Variants in DOK6 observed in about 807,000 individuals in gnomAD.
The protein encoded by DOK6 is docking protein 6.
In DOK6, 22 loss-of-function variants were observed where a neutral mutation model predicts 44.0. The observed-to-expected ratio is 0.50, with a 90% CI of 0.36 to 0.71. DOK6 has a LOEUF of 0.71. DOK6 is among the 30% of genes least tolerant of loss of function. The pLI is 0.00. For synonymous variants in DOK6, 166 were observed against 145.5 expected, an observed-to-expected ratio of 1.14 and a Z score of -1.01; for missense variants, 340 against 416.4, an observed-to-expected ratio of 0.82 and a Z score of 1.60.
chr18:69,731,446 C>T (rs1397759528), intron 5 of DOK6, among the ~76,000 whole-genome samples: 1 of 151,940 alleles, frequency 6.6e-6, no homozygotes, highest in African/African-American at 2.4e-5. Flanking sequence ...ATAATTGTAA[C>T]CTGAGAATAA....
chr18:69,517,834 A>T (rs1981574494), intron 1 of DOK6, among the ~76,000 whole-genome samples: 1 of 151,920 alleles, frequency 6.6e-6, no homozygotes, highest in Non-Finnish European at 1.5e-5. Flanking sequence ...CATTTATTAT[A>T]TGGAACTGGA....
At chr18:69,522,233 T>TAC (rs377611827) in intron 1 of DOK6, among the ~76,000 whole-genome samples, 22 of 150,762 alleles carry the variant, frequency 1.5e-4, no homozygotes, top group African/African-American at 4.6e-4. Flanking sequence ...CCCACACACA[T>TAC]ACACACACAC....
intron 5 of DOK6, among the ~76,000 whole-genome samples, chr18:69,711,348 A>G (rs1426023607): frequency 6.6e-6 from 1 of 152,252 alleles, no homozygotes; most frequent in Non-Finnish European, 1.5e-5. Context: ...GAGGTAACAT[A>G]TTCAAATAAA....
Position 69,848,695 on chromosome 18 carries a change from C to A in DOK6, c.*7312C>A, listed in dbSNP as rs1033742059. On this transcript the variant is annotated 3_prime_UTR_variant, in exon 8 of 8. Transcript: ENST00000382713. ...CTGAAGTCGTAGTTTTTAATCTTAA[C>A]CATCAATAAATAAACCTATTGTTAA... 1 of 152,136 alleles carries A rather than the reference C, an allele frequency of 6.6e-6. No individual in the cohort carries two copies. The highest frequency in any genetic ancestry group is 1.5e-5 in the Non-Finnish European group (1 of 68,026). The allele number at this position is 152,136 out of a possible 1,614,324, so 9.4% of individuals were successfully genotyped here. A position where few individuals can be genotyped will look rare whatever the true frequency, so the allele number is the denominator to read the frequency against.
intron 2 of DOK6, among the ~76,000 whole-genome samples, chr18:69,590,418 A>C (rs1412646623): frequency 6.6e-6 from 1 of 152,136 alleles, no homozygotes; most frequent in Non-Finnish European, 1.5e-5. Flanking sequence ...TTTGATAGAA[A>C]TATGCGAGAT....
chr18:69,638,907 A>G (rs1434168226), intron 3 of DOK6, among the ~76,000 whole-genome samples: 35 of 152,230 alleles, frequency 2.3e-4, no homozygotes, highest in Non-Finnish European at 5.9e-5. Context: ...AATTAAAAGT[A>G]ATCAATATTA....
chr18:69,841,526 A>C lies in DOK6; in HGVS notation c.*143A>C, dbSNP rs896964853. 1.7e-6 allele frequency: 2 copies of C among 1,144,980 alleles called. No homozygotes were observed. Among genetic ancestry groups the C allele is most frequent in the Non-Finnish European group, 2.4e-6 (2 of 850,444 alleles). 70.9% of individuals were successfully genotyped at this position (1,144,980 alleles called of 1,614,324 possible). On this transcript the variant is annotated 3_prime_UTR_variant, in exon 8 of 8. Transcript: ENST00000382713. ...GCCCCAGTCCCATTGGAAGGTTAAA[A>C]ACTGGAGTTCTGCTTCCTTGATTCA...
intron 7 of DOK6, among the ~76,000 whole-genome samples, chr18:69,775,500 C>T (rs958882951): frequency 3.3e-5 from 5 of 151,748 alleles, no homozygotes; most frequent in African/African-American, 1.2e-4. Context: ...TTTGATTTTA[C>T]TTTTTGGTCA....
chr18:69,614,617 T>C (rs1984241706), intron 3 of DOK6, among the ~76,000 whole-genome samples: 1 of 151,512 alleles, frequency 6.6e-6, no homozygotes, highest in African/African-American at 2.4e-5. Flanking sequence ...ATAGATGCTA[T>C]CACAAAACCT....
At chr18:69,543,651 C>G (rs1982326271) in intron 1 of DOK6, among the ~76,000 whole-genome samples, 1 of 151,280 alleles carries the variant, frequency 6.6e-6, no homozygotes, top group African/African-American at 2.4e-5. Flanking sequence ...ATTCTAAATC[C>G]AAGCCCTGAA....
chr18:69,647,001 T>C (rs1017403920), intron 3 of DOK6, among the ~76,000 whole-genome samples: 4 of 152,118 alleles, frequency 2.6e-5, no homozygotes, highest in Non-Finnish European at 2.9e-5. Context: ...AATCTATCTA[T>C]CTAATCTATC....
intron 2 of DOK6, among the ~76,000 whole-genome samples, chr18:69,582,974 T>C (rs955052110): frequency 2.0e-4 from 30 of 152,352 alleles, no homozygotes; most frequent in African/African-American, 7.0e-4. Flanking sequence ...TGATAGAAAC[T>C]AGATTGTTTG....
chr18:69,651,478 G>A (rs1013042793), intron 3 of DOK6, among the ~76,000 whole-genome samples: 9 of 134,684 alleles, frequency 6.7e-5, no homozygotes, highest in African/African-American at 1.4e-4. Flanking sequence ...TCAGCCCCCC[G>A]CTCCTTTTTT....
intron 3 of DOK6, among the ~76,000 whole-genome samples, chr18:69,649,910 A>C (rs914172468): frequency 2.6e-5 from 4 of 152,124 alleles, no homozygotes; most frequent in African/African-American, 9.7e-5. Flanking sequence ...AATTGCAATA[A>C]TCATGATTTT....
chr18:69,575,491 GT>G (rs1418179762), intron 2 of DOK6, among the ~76,000 whole-genome samples: 2 of 151,962 alleles, frequency 1.3e-5, no homozygotes, highest in Non-Finnish European at 2.9e-5. Flanking sequence ...ATGGAGTTTG[GT>G]ATCAGCCTTA....
At chr18:69,601,508 G>T (rs757169186) in intron 3 of DOK6, among the ~76,000 whole-genome samples, 1 of 152,082 alleles carries the variant, frequency 6.6e-6, no homozygotes, top group Non-Finnish European at 1.5e-5. Flanking sequence ...AATTTTGTTG[G>T]TCTATGCCCA....
chr18:69,677,841 C>T lies in DOK6; in HGVS notation c.397C>T (p.Arg133Trp), dbSNP rs911168670. Reference protein sequence around the residue: ...EPDLLAAGVQREQNERFNVYL... With the variant: ...EPDLLAAGVQWEQNERFNVYL... ...CGACCTTCTGGCCGCAGGAGTGCAG[C>T]GGGAACAGAATGGTAGGTGTGAGAT... The change falls in exon 4 of 8, where the codon CGG becomes TGG. Residue 133 changes from arginine (R) to tryptophan (W), a missense_variant. Transcript: ENST00000382713. 10 of 1,613,152 alleles carry T rather than the reference C, an allele frequency of 6.2e-6. No individual in the cohort carries two copies. Among genetic ancestry groups the T allele is most frequent in the Middle Eastern group, 1.6e-4 (1 of 6,070 alleles).
intron 7 of DOK6, among the ~76,000 whole-genome samples, chr18:69,764,762 T>C (rs185314348): frequency 9.5e-4 from 144 of 152,286 alleles, no homozygotes; most frequent in African/African-American, 3.3e-3. Flanking sequence ...ATACTTTGAC[T>C]CCTTTTTTTT....
intron 3 of DOK6, among the ~76,000 whole-genome samples, chr18:69,657,538 GT>G (rs1985400580): frequency 6.6e-6 from 1 of 152,148 alleles, no homozygotes; most frequent in South Asian, 2.1e-4. Context: ...CATAATCTAA[GT>G]AAAAGTTGAT....
Sources: allele counts gnomAD v4.1 joint callset (sites outside exome capture counted in the v4.1 genomes callset), GRCh38; gene constraint gnomAD v4.1.1; transcripts MANE v1.5; gene names NCBI Gene and HGNC (gene_info 2026-07-23, HGNC 2026-07-21).